The following SLC12A8 variants were observed in gnomAD, a reference collection of about 807,000 sequenced individuals.
The protein encoded by SLC12A8 is solute carrier family 12 member 8.
In SLC12A8, 69 loss-of-function variants were observed where a neutral mutation model predicts 75.6. The ratio of observed to expected loss-of-function variants is 0.91; its 90% CI spans 0.75 to 1.11. SLC12A8 has a LOEUF of 1.11. SLC12A8 is among the 50% of genes most tolerant of loss of function. The pLI is 0.00. For synonymous variants in SLC12A8, 365 were observed against 372.8 expected (o/e 0.98, Z 0.24); for missense variants, 877 against 896.7 (o/e 0.98, Z 0.28).
Position 125,118,331 on chromosome 3 carries a change from G to C in SLC12A8, c.912+438C>G, listed in dbSNP as rs115096679. Among the ~76,000 whole-genome samples, 628 of 152,250 alleles carry C rather than the reference G, an allele frequency of 4.1e-3. 4 individuals are homozygous for C. The highest frequency in any genetic ancestry group is 0.016 in the South Asian group (79 of 4,810). Reference sequence around the variant, plus strand: ...CCCAACACTTCAGTCCTGGGCTAGAGACTATATGAAGGCTGGGCGTGGTGG... The same window carrying C: ...CCCAACACTTCAGTCCTGGGCTAGACACTATATGAAGGCTGGGCGTGGTGG... On this transcript the variant is annotated intron_variant, in intron 8 of 13. Transcript: ENST00000469902.
At chr3:125,205,390 T>G (rs1935207028) in intron 2 of SLC12A8, among the ~76,000 whole-genome samples, 1 of 152,156 alleles carries the variant, frequency 6.6e-6, no homozygotes, top group South Asian at 2.1e-4. Context: ...CTAACTCATT[T>G]CAGTGAAGAA....
At chr3:125,142,030 G>C (rs1025594196) in intron 5 of SLC12A8, among the ~76,000 whole-genome samples, 2 of 152,184 alleles carry the variant, frequency 1.3e-5, no homozygotes, top group African/African-American at 2.4e-5. Flanking sequence ...AAGTGGGCGC[G>C]GCGCGCACGC....
intron 6 of SLC12A8, among the ~76,000 whole-genome samples, chr3:125,133,571 G>A (rs920530667): frequency 1.3e-5 from 2 of 151,948 alleles, no homozygotes; most frequent in African/African-American, 4.8e-5. Flanking sequence ...GACTACAGGT[G>A]CATGCCACCA....
chr3:125,192,292 AG>A (rs1167738011), intron 2 of SLC12A8, among the ~76,000 whole-genome samples: 2 of 152,036 alleles, frequency 1.3e-5, no homozygotes, highest in Non-Finnish European at 2.9e-5. Flanking sequence ...AGGGCTGAGG[AG>A]ATGGAGGCTG....
At chr3:125,205,356 T>C (rs1054356209) in intron 2 of SLC12A8, among the ~76,000 whole-genome samples, 5 of 150,310 alleles carry the variant, frequency 3.3e-5, no homozygotes, top group African/African-American at 1.2e-4. Context: ...ATACGGCGGG[T>C]ACAAATGAGT....
At chr3:125,188,712 G>T (rs1934848234) in intron 3 of SLC12A8, among the ~76,000 whole-genome samples, 1 of 152,234 alleles carries the variant, frequency 6.6e-6, no homozygotes, top group Admixed American at 6.5e-5. Context: ...AGTGGGCAGA[G>T]CCAGTTCAAG....
chr3:125,203,770 G>A (rs1935176125), intron 2 of SLC12A8, among the ~76,000 whole-genome samples: 1 of 152,154 alleles, frequency 6.6e-6, no homozygotes, highest in Non-Finnish European at 1.5e-5. Context: ...TTTCTGCACT[G>A]CAAAGGAAAC....
chr3:125,105,767 C>T (rs1039651050), intron 10 of SLC12A8, among the ~76,000 whole-genome samples: 5 of 152,040 alleles, frequency 3.3e-5, no homozygotes, highest in Admixed American at 2.0e-4. Flanking sequence ...TGGTGGCTCA[C>T]GCCTGTAATT....
intron 2 of SLC12A8, among the ~76,000 whole-genome samples, chr3:125,194,224 G>T (rs1455512937): frequency 6.6e-6 from 1 of 152,224 alleles, no homozygotes; most frequent in Non-Finnish European, 1.5e-5. Context: ...CGGCGACTTG[G>T]CGCCTGGCCC....
chr3:125,208,791 C>CAGAGAGAGAG (rs1287670719), intron 2 of SLC12A8, among the ~76,000 whole-genome samples: 4 of 84,180 alleles, frequency 4.8e-5, no homozygotes, highest in African/African-American at 9.5e-5. Context: ...CACACACACA[C>CAGAGAGAGAG]AGAGAGAGAG....
At chr3:125,132,931 G>A (rs531878463) in intron 6 of SLC12A8, among the ~76,000 whole-genome samples, 74 of 152,336 alleles carry the variant, frequency 4.9e-4, no homozygotes, top group Non-Finnish European at 9.4e-4. Flanking sequence ...ATCGTGGAAG[G>A]CAAGAGAAAT....
intron 6 of SLC12A8, 124 bp downstream of exon 6, chr3:125,135,545 A>G (rs565385581): frequency 1.9e-6 from 1 of 533,876 alleles, no homozygotes; most frequent in Non-Finnish European, 3.3e-6. Context: ...AGTCAAAGCT[A>G]AGCCCATATC....
At chr3:125,161,752 G>A (rs1405428564) in intron 5 of SLC12A8, among the ~76,000 whole-genome samples, 1 of 151,944 alleles carries the variant, frequency 6.6e-6, no homozygotes, top group Non-Finnish European at 1.5e-5. Context: ...CCAGCACGTG[G>A]GCATTCGCAG....
chr3:125,198,926 C>G (rs149688906), intron 2 of SLC12A8, among the ~76,000 whole-genome samples: 1 of 151,452 alleles, frequency 6.6e-6, no homozygotes, highest in Admixed American at 6.6e-5. Flanking sequence ...TACAGGCACC[C>G]GCCACCACGC....
At chr3:125,207,030 G>A (rs557119702) in intron 2 of SLC12A8, among the ~76,000 whole-genome samples, 20 of 152,206 alleles carry the variant, frequency 1.3e-4, no homozygotes, top group Non-Finnish European at 2.6e-4. Flanking sequence ...TACAAACCAT[G>A]AGAGAGCAAG....
Position 125,091,442 on chromosome 3 carries a change from G to A in SLC12A8, c.1918C>T (p.Leu640Phe), listed in dbSNP as rs1938576584. The change falls in exon 12 of 14, where the codon CTT becomes TTT. Residue 640 changes from leucine to phenylalanine, a missense_variant. Physicochemically the swap from Leu to Phe is conservative, Grantham distance 22 (BLOSUM62 0). Transcript: ENST00000469902. ...YIGRASPGLH[L>F]GSASNFSFFR... ...GCAAAATGGCTCTGCTGCTTACCAA[G>A]GTGAAGCCCTGGACTGGCCCGGCCA... 7.4e-6 allele frequency: 12 copies of A among 1,611,236 alleles called. No homozygotes were observed. The highest frequency in any genetic ancestry group is 1.0e-5 in the Non-Finnish European group (12 of 1,177,480).
At chr3:125,113,978 A>G (rs1339228627) in intron 8 of SLC12A8, among the ~76,000 whole-genome samples, 2 of 152,170 alleles carry the variant, frequency 1.3e-5, no homozygotes, top group African/African-American at 2.4e-5. Flanking sequence ...GACCCCTGAC[A>G]TAACTGGGGA....
rs1486031831 is a variant in SLC12A8 at position 125,107,661 on chromosome 3, G to A, written c.1525C>T (p.Leu509Phe). The A allele has an allele frequency of 2.5e-6, 4 of 1,614,020 alleles. No individual in the cohort carries two copies. Among genetic ancestry groups the A allele is most frequent in the South Asian group, 1.1e-5 (1 of 91,080 alleles). ...ACAGGGAAAGAAGGAGGGGATTTGA[G>A]GTCCAAGAGGAAGCTATCTTGTAGG... ...QTLQDSFLLDLKSPPSFPVEI... is the reference protein window; with the variant it reads ...QTLQDSFLLDFKSPPSFPVEI... The change falls in exon 10 of 14, where the codon CTC (leucine) becomes TTC (phenylalanine). Residue 509 changes from leucine to phenylalanine, a missense_variant. Transcript: ENST00000469902.
intron 10 of SLC12A8, among the ~76,000 whole-genome samples, chr3:125,102,140 G>A (rs1393810912): frequency 6.6e-6 from 1 of 152,180 alleles, no homozygotes; most frequent in Non-Finnish European, 1.5e-5. Flanking sequence ...GTTGCACAGT[G>A]GAAGACATCA....
Sources: allele counts gnomAD v4.1 joint callset (sites outside exome capture counted in the v4.1 genomes callset), GRCh38; gene constraint gnomAD v4.1.1; transcripts MANE v1.5; gene names NCBI Gene and HGNC (gene_info 2026-07-23, HGNC 2026-07-21).